Variants in HECW2 observed in about 807,000 individuals in gnomAD.
HECW2 encodes the protein HECT, C2 and WW domain containing E3 ubiquitin protein ligase 2.
HECW2 carries 61 observed loss-of-function variants against 175.2 expected under a neutral mutation model. The observed-to-expected ratio is 0.35, with a 90% confidence interval of 0.28 to 0.43. HECW2 has a LOEUF of 0.43. Ranked by LOEUF, HECW2 falls within the 20% of genes least tolerant of loss-of-function variation. The probability of loss-of-function intolerance (pLI) is 1.00; values close to 1 mark genes in which losing one functional copy is unlikely to be tolerated. For synonymous variants in HECW2, 671 were observed against 731.0 expected (o/e 0.92, Z 1.32); for missense variants, 1,524 against 2,000.5 (o/e 0.76, Z 4.54).
intron 11 of HECW2, 78 bp downstream of exon 11, chr2:196,307,857 C>A (rs1691327161): frequency 7.7e-7 from 1 of 1,295,818 alleles, no homozygotes; most frequent in Non-Finnish European, 1.0e-6. Flanking sequence ...AAGAGACAAC[C>A]ATGTCTTCTA....
At chr2:196,520,759 G>C (rs952456134) in intron 1 of HECW2, among the ~76,000 whole-genome samples, 3 of 152,118 alleles carry the variant, frequency 2.0e-5, no homozygotes, top group Non-Finnish European at 2.9e-5. Context: ...ATATATCAAC[G>C]TTCCACAGTT....
At chr2:196,361,026 T>C (rs1386438521) in intron 2 of HECW2, among the ~76,000 whole-genome samples, 3 of 152,136 alleles carry the variant, frequency 2.0e-5, no homozygotes, top group Non-Finnish European at 4.4e-5. Flanking sequence ...AAAATGAACA[T>C]CACCACCCCT....
chr2:196,423,376 T>A (rs1365503045), intron 2 of HECW2, among the ~76,000 whole-genome samples: 2 of 152,146 alleles, frequency 1.3e-5, no homozygotes, highest in Admixed American at 6.6e-5. Context: ...TCACTGAATT[T>A]ACTAATGTGT....
intron 2 of HECW2, among the ~76,000 whole-genome samples, chr2:196,413,742 G>T (rs1381545694): frequency 6.6e-6 from 1 of 152,178 alleles, no homozygotes; most frequent in African/African-American, 2.4e-5. Flanking sequence ...AAAATGGACA[G>T]CAGATGAAAA....
rs149676817 is a variant in HECW2, at chr2:196,417,207, A to C, written c.292+15925T>G. Among the ~76,000 whole-genome samples, 3 of 152,356 alleles carry C rather than the reference A, an allele frequency of 2.0e-5. No individual in the cohort carries two copies. The East Asian group carries it at 5.8e-4, about 29-fold the overall frequency. ...TAAAATACACTTCAACAGATAAATA[A>C]TATTTTAATGATTCCAAATGATGAA... On this transcript the variant is annotated intron_variant, in intron 2 of 28. Coordinates refer to ENST00000644978, the MANE Select transcript of HECW2 (RefSeq NM_001348768.2).
chr2:196,257,758 A>G, intron 18 of HECW2, 65 bp downstream of exon 18: 1 of 1,117,512 alleles, frequency 8.9e-7, no homozygotes, highest in Admixed American at 1.9e-5. Context: ...ATTATTTTCT[A>G]CAATGTTCCA....
At chr2:196,540,605 G>A (rs550239427) in intron 1 of HECW2, among the ~76,000 whole-genome samples, 19 of 151,938 alleles carry the variant, frequency 1.3e-4, no homozygotes, top group African/African-American at 4.3e-4. Flanking sequence ...CACCATGCAC[G>A]GCTAATTTTT....
At chr2:196,512,725 T>C (rs1331718981) in intron 1 of HECW2, among the ~76,000 whole-genome samples, 1 of 151,992 alleles carries the variant, frequency 6.6e-6, no homozygotes, top group Non-Finnish European at 1.5e-5. Context: ...AGTCTCGCTC[T>C]GTCACCCAGG....
intron 2 of HECW2, among the ~76,000 whole-genome samples, chr2:196,344,648 G>C (rs1186117887): frequency 1.3e-5 from 2 of 152,138 alleles, no homozygotes; most frequent in East Asian, 3.9e-4. Context: ...AATGAAACTA[G>C]AAAACACGAA....
intron 1 of HECW2, among the ~76,000 whole-genome samples, chr2:196,564,587 T>C (rs1690115132): frequency 6.6e-6 from 1 of 152,202 alleles, no homozygotes; most frequent in African/African-American, 2.4e-5. Context: ...ATGGATCTTA[T>C]GAGTGCTGCT....
At chr2:196,380,540 T>C (rs535046536) in intron 2 of HECW2, among the ~76,000 whole-genome samples, 4 of 152,326 alleles carry the variant, frequency 2.6e-5, no homozygotes, top group South Asian at 2.1e-4. Context: ...ACAACTGTCA[T>C]TGGTTGTTTT....
In HECW2 at chr2:196,319,096, G is replaced by A. The variant is rs911664936; in HGVS notation, c.1794C>T (p.Thr598=). ...GCTCAGAGCCCTGATCGAGAGACTC[G>A]GTCTCACTGACGGCTCTTCGGCTTC... ...SGGSRRAVSE[T]ESLDQGSEPS... The change falls in exon 9 of 29, where the codon ACC becomes ACT. Residue 598 remains threonine, a synonymous_variant. Transcript: ENST00000644978. 22 of 1,600,270 alleles carry A rather than the reference G, an allele frequency of 1.4e-5. No homozygotes were observed. Among genetic ancestry groups the A allele is most frequent in the South Asian group, 1.1e-4 (10 of 88,760 alleles).
At chr2:196,214,802 A>G (rs1438348700) in intron 28 of HECW2, among the ~76,000 whole-genome samples, 1 of 152,182 alleles carries the variant, frequency 6.6e-6, no homozygotes, top group Non-Finnish European at 1.5e-5. Flanking sequence ...GCATCTTTCA[A>G]TTGCTAAGAA....
intron 28 of HECW2, among the ~76,000 whole-genome samples, chr2:196,206,415 C>A (rs1240696178): frequency 2.0e-5 from 3 of 152,154 alleles, no homozygotes; most frequent in Admixed American, 2.0e-4. Context: ...CTCCCTTTTT[C>A]CCTACAGATA....
chr2:196,228,081 T>C (rs372264040), intron 22 of HECW2, 21 bp downstream of exon 22: 4 of 1,504,902 alleles, frequency 2.7e-6, no homozygotes, highest in Non-Finnish European at 2.7e-6. Context: ...TGAAGAAAAG[T>C]GTTGGGGAAA....
intron 10 of HECW2, among the ~76,000 whole-genome samples, chr2:196,313,990 G>A (rs540218030): frequency 6.6e-6 from 1 of 152,342 alleles, no homozygotes; most frequent in African/African-American, 2.4e-5. Flanking sequence ...GAGCCCAGGA[G>A]TTTGAGGCCG....
chr2:196,414,279 T>C (rs1695194663), intron 2 of HECW2, among the ~76,000 whole-genome samples: 1 of 152,338 alleles, frequency 6.6e-6, no homozygotes, highest in Middle Eastern at 3.4e-3. Flanking sequence ...TATCCCACTT[T>C]ACTCAGCCAG....
At chr2:196,351,274 CCA>C (rs1261025191) in intron 2 of HECW2, among the ~76,000 whole-genome samples, 1 of 151,486 alleles carries the variant, frequency 6.6e-6, no homozygotes, top group Non-Finnish European at 1.5e-5. Flanking sequence ...CCATAATATT[CCA>C]CACACAGAGA....
At chr2:196,398,203 T>C (rs1345909165) in intron 2 of HECW2, among the ~76,000 whole-genome samples, 1 of 151,886 alleles carries the variant, frequency 6.6e-6, no homozygotes, top group Non-Finnish European at 1.5e-5. Flanking sequence ...GGCCTGAAAA[T>C]AATCTTAGCT....
Sources: gnomAD v4.1 joint callset for allele counts (sites outside exome capture counted in the v4.1 genomes callset) on GRCh38, gnomAD v4.1.1 for gene constraint, MANE v1.5 for transcripts, NCBI Gene and HGNC (gene_info 2026-07-23, HGNC 2026-07-21) for gene names.